PEAK1: variants seen among roughly 807,000 people sequenced by gnomAD.
PEAK1 encodes the protein pseudopodium enriched atypical kinase 1.
Under a neutral mutation model 124.7 loss-of-function variants are expected in PEAK1, and 54 were observed. That is an observed-to-expected ratio of 0.43 (90% CI 0.35 to 0.54). The LOEUF is 0.54. Among genes scored for constraint, PEAK1 ranks in the 20% least tolerant of loss-of-function variants. PEAK1 has a pLI of 0.01. For missense variants in PEAK1, 2,046 were observed against 2,134.5 expected (o/e 0.96, Z 0.82); for synonymous variants, 719 against 760.0 (o/e 0.95, Z 0.89).
At chr15:77,339,428 A>C (rs912149157) in intron 2 of PEAK1, among the ~76,000 whole-genome samples, 1 of 152,212 alleles carries the variant, frequency 6.6e-6, no homozygotes, top group African/African-American at 2.4e-5. Flanking sequence ...ATTAGTGTTT[A>C]TATCTAATTG....
intron 9 of PEAK1, among the ~76,000 whole-genome samples, chr15:77,119,033 G>T (rs2051655325): frequency 6.6e-6 from 1 of 151,708 alleles, no homozygotes; most frequent in Non-Finnish European, 1.5e-5. Context: ...TGTGCAGCAG[G>T]AGAACAAAAC....
chr15:77,407,461 G>A (rs1396634181), intron 1 of PEAK1, among the ~76,000 whole-genome samples: 1 of 152,058 alleles, frequency 6.6e-6, no homozygotes, highest in Non-Finnish European at 1.5e-5. Flanking sequence ...CTAAGGACAT[G>A]AAAAGACAAT....
intron 1 of PEAK1, chr15:77,402,168 G>GAAAAAAA: frequency 2.6e-5 from 22 of 861,976 alleles, no homozygotes; most frequent in Non-Finnish European, 3.0e-5. Flanking sequence ...CTCCACCTCG[G>GAAAAAAA]AAAAAAAAAA....
At chr15:77,286,266 G>A (rs2062926503) in intron 3 of PEAK1, among the ~76,000 whole-genome samples, 157 bp downstream of exon 3, 1 of 152,162 alleles carries the variant, frequency 6.6e-6, no homozygotes. Context: ...GTTGCAAATA[G>A]TTTGAAAAGA....
chr15:77,212,524 A>G (rs902442162), intron 6 of PEAK1, among the ~76,000 whole-genome samples: 1 of 152,222 alleles, frequency 6.6e-6, no homozygotes, highest in African/African-American at 2.4e-5. Context: ...TGTGTCATCT[A>G]AAGCACATGG....
chr15:77,230,733 T>C (rs1415757932), intron 6 of PEAK1, among the ~76,000 whole-genome samples: 1 of 152,074 alleles, frequency 6.6e-6, no homozygotes, highest in Non-Finnish European at 1.5e-5. Flanking sequence ...TCTGTCTCAC[T>C]GTGGCGGGAG....
At chr15:77,199,200 T>C (rs530491957) in intron 6 of PEAK1, among the ~76,000 whole-genome samples, 3 of 152,322 alleles carry the variant, frequency 2.0e-5, no homozygotes, top group South Asian at 2.1e-4. Context: ...TTTTTCCAGA[T>C]TGGTTCCATC....
intron 6 of PEAK1, among the ~76,000 whole-genome samples, chr15:77,244,401 T>G (rs2060487567): frequency 6.6e-6 from 1 of 152,172 alleles, no homozygotes; most frequent in Non-Finnish European, 1.5e-5. Context: ...ATTAACATTT[T>G]TCAGTGCTCA....
chr15:77,323,654 A>C (rs1421611111), intron 2 of PEAK1, among the ~76,000 whole-genome samples: 1 of 152,200 alleles, frequency 6.6e-6, no homozygotes, highest in East Asian at 1.9e-4. Context: ...AAATGGAAGA[A>C]CATTCCATGC....
chr15:77,179,605 G>A lies in PEAK1; in HGVS notation c.2322C>T (p.Ile774=). 1 of 1,614,134 alleles carries A rather than the reference G, an allele frequency of 6.2e-7. No individual in the cohort carries two copies. Among genetic ancestry groups the A allele is most frequent in the African/African-American group, 1.3e-5 (1 of 75,046 alleles). Residue 774 remains isoleucine, a synonymous_variant, in exon 7 of 10, where the codon ATC becomes ATT. Coordinates refer to ENST00000682557, the MANE Select transcript of PEAK1 (RefSeq NM_001385026.1). ...TTTCTGGAGGAGACTGTGGGGGTTG[G>A]ATTGAAGCCACAATCTGAGAAAGCA... The part of the protein sequence containing the change: ...STVLSQIVAS[I]QPPQSPPETP...
intron 6 of PEAK1, among the ~76,000 whole-genome samples, chr15:77,245,413 C>G (rs2060536382): frequency 6.6e-6 from 1 of 151,552 alleles, no homozygotes; most frequent in African/African-American, 2.4e-5. Context: ...CTTGAAAAAA[C>G]TAATCTTTTT....
intron 6 of PEAK1, among the ~76,000 whole-genome samples, chr15:77,185,285 A>C (rs983776890): frequency 3.9e-5 from 6 of 152,166 alleles, no homozygotes; most frequent in Non-Finnish European, 8.8e-5. Context: ...AGTCTGAAAC[A>C]TGGATGAGAA....
At chr15:77,345,278 C>T (rs1321570502) in intron 2 of PEAK1, among the ~76,000 whole-genome samples, 3 of 152,032 alleles carry the variant, frequency 2.0e-5, no homozygotes, top group South Asian at 2.1e-4. Context: ...AGGTTTTTTC[C>T]GCATCTATTG....
chr15:77,373,579 T>C (rs1274806313), intron 1 of PEAK1, among the ~76,000 whole-genome samples: 3 of 152,150 alleles, frequency 2.0e-5, no homozygotes, highest in Non-Finnish European at 4.4e-5. Context: ...TGCCTACTGA[T>C]GGCCCAGTCT....
chr15:77,301,823 A>G (rs1269119770), intron 2 of PEAK1, among the ~76,000 whole-genome samples: 1 of 152,162 alleles, frequency 6.6e-6, no homozygotes, highest in African/African-American at 2.4e-5. Flanking sequence ...TGTCTAAGTA[A>G]ATCATTTGGA....
intron 1 of PEAK1, chr15:77,381,293 T>C (rs867665509): frequency 2.2e-6 from 2 of 907,724 alleles, no homozygotes; most frequent in African/African-American, 1.8e-5. Context: ...TGTGTACTTG[T>C]AGTTCAAGTT....
Position 77,181,393 on chromosome 15 carries a change from T to C in PEAK1, c.534A>G (p.Gly178=). 2 of 1,614,160 alleles carry C rather than the reference T, an allele frequency of 1.2e-6. No individual in the cohort carries two copies. The highest frequency in any genetic ancestry group is 2.2e-5 in the South Asian group (2 of 91,082). ...NETNSRETFL[G]RINDCYKRSL... is the part of the protein sequence containing the mutation. ...ATCGTTTATAGCAATCATTTATTCT[T>C]CCCAAGAATGTTTCTCTGGAGTTTG... Residue 178 remains glycine (G), a synonymous_variant, in exon 7 of 10, where the codon GGA becomes GGG. Transcript: ENST00000682557.
At position 77,101,301 on chromosome 15, in the gene PEAK1, G is replaced by C. The variant is rs1353748513; in HGVS notation, c.*12855C>G. On this transcript the variant is annotated 3_prime_UTR_variant, in exon 7 of 7. Transcript: ENST00000560626. ...CAGGCTTTCTGAAATTCAGCCAGGA[G>C]ATATTTGGAAAGCTGGAGAAATTGC... 2.0e-5 allele frequency: 3 copies of C among 152,216 alleles called. No homozygotes were observed. The South Asian group carries it at 6.2e-4, about 32-fold the overall frequency. The allele number at this position is 152,216 out of a possible 1,614,324, so 9.4% of individuals were successfully genotyped here.
At position 77,179,774 on chromosome 15, in the gene PEAK1, G is replaced by A. The variant is rs532295349; in HGVS notation, c.2153C>T (p.Ser718Phe). ...EFNNCLNRGQ[S>F]SPQRSYSSSH... The stretch of plus-strand genomic sequence containing the variant: ...GGAACTATAGCTTCTCTGTGGTGAA[G>A]ACTGACCTCTGTTGAGACAGTTGTT... The change falls in exon 7 of 10, where the codon TCT (serine) becomes TTT (phenylalanine). Residue 718 changes from serine (S) to phenylalanine (F), a missense_variant. Ser to Phe is a radical substitution (Grantham distance 155, BLOSUM62 -2). Coordinates refer to ENST00000682557, the MANE Select transcript of PEAK1 (RefSeq NM_001385026.1). 3 of 1,614,102 alleles carry A rather than the reference G, an allele frequency of 1.9e-6. No individual in the cohort carries two copies. Among genetic ancestry groups the A allele is most frequent in the South Asian group, 2.2e-5 (2 of 91,078 alleles).
Sources: allele counts gnomAD v4.1 joint callset (sites outside exome capture counted in the v4.1 genomes callset), GRCh38; gene constraint gnomAD v4.1.1; transcripts MANE v1.5; gene names NCBI Gene and HGNC (gene_info 2026-07-23, HGNC 2026-07-21).